The following ANK3 variants were observed in gnomAD, a reference collection of about 807,000 sequenced individuals.
ANK3 encodes the protein ankyrin-3.
Under a neutral mutation model 370.9 loss-of-function variants are expected in ANK3, and 57 were observed. The ratio of observed to expected loss-of-function variants is 0.15; its 90% CI spans 0.12 to 0.19. The LOEUF is 0.19. Among genes scored for constraint, ANK3 ranks in the 10% least tolerant of loss-of-function variants. The probability of loss-of-function intolerance (pLI) is 1.00; values close to 1 mark genes in which losing one functional copy is unlikely to be tolerated. For missense variants in ANK3, 4,439 were observed against 5,302.1 expected (o/e 0.84, Z 5.06); for synonymous variants, 1,929 against 1,946.3 (o/e 0.99, Z 0.23).
At chr10:60,270,705 G>A (rs1016413692) in intron 4 of ANK3, among the ~76,000 whole-genome samples, 1 of 152,162 alleles carries the variant, frequency 6.6e-6, no homozygotes, top group South Asian at 2.1e-4. Context: ...GTTTTGACTA[G>A]TTCAGGGAGG....
intron 9 of ANK3, among the ~76,000 whole-genome samples, chr10:60,208,911 G>A (rs1022260468): frequency 2.6e-5 from 4 of 152,206 alleles, no homozygotes; most frequent in African/African-American, 2.4e-5. Context: ...CATTGACAAA[G>A]CCACTAACTA....
intron 28 of ANK3, among the ~76,000 whole-genome samples, chr10:60,095,834 T>C (rs2090003551): frequency 6.6e-6 from 1 of 152,228 alleles, no homozygotes; most frequent in East Asian, 1.9e-4. Flanking sequence ...TTAACTTTCA[T>C]AAGAATATAA....
chr10:60,639,035 A>T (rs2133348445), intron 1 of ANK3, among the ~76,000 whole-genome samples: 1 of 152,144 alleles, frequency 6.6e-6, no homozygotes, highest in East Asian at 1.9e-4. Flanking sequence ...CAAACCCCAA[A>T]TAGAATAAAA....
intron 21 of ANK3, 52 bp from the exon 22 acceptor site, chr10:60,166,948 G>T: frequency 7.0e-7 from 1 of 1,436,114 alleles, no homozygotes; most frequent in Non-Finnish European, 9.8e-7. Flanking sequence ...ACATTTTAAT[G>T]GGTCTTTTCA....
intron 2 of ANK3, among the ~76,000 whole-genome samples, chr10:60,543,161 T>TA (rs1452853506): frequency 6.6e-6 from 1 of 151,926 alleles, no homozygotes; most frequent in African/African-American, 2.4e-5. Flanking sequence ...CTGACAAATA[T>TA]ATGTGAAGGC....
At position 60,534,360 on chromosome 10, in the gene ANK3, C is replaced by T. The variant is rs190130742; in HGVS notation, c.96+80826G>A. Among the ~76,000 whole-genome samples the T allele has an allele frequency of 2.3e-3, 343 of 152,198 alleles. 12 individuals are homozygous for T. Among genetic ancestry groups the T allele is most frequent in the Admixed American group, 0.021 (316 of 15,262 alleles). On this transcript the variant is annotated intron_variant, in intron 2 of 43. Transcript: ENST00000373827. ...ACGCATTCATGTCTCAGCAGAATTG[C>T]AAATTACTCTGGATCACTTGGGAAA...
intron 1 of ANK3, among the ~76,000 whole-genome samples, chr10:60,283,516 T>C (rs1470958333): frequency 6.6e-6 from 1 of 152,124 alleles, no homozygotes; most frequent in Non-Finnish European, 1.5e-5. Flanking sequence ...TGCACAAAAA[T>C]GAATATGAAC....
At chr10:60,390,705 CAT>C (rs368089288), upstream of ANK3, among the ~76,000 whole-genome samples, 7 of 145,362 alleles carry the variant, frequency 4.8e-5, no homozygotes, top group African/African-American at 1.5e-4. Flanking sequence ...GGGCCTAAAA[CAT>C]ATGAGACCTA....
Position 60,119,738 on chromosome 10 carries a change from C to A in ANK3, c.2842-5407G>T, listed in dbSNP as rs577993092. ...AGTGAGCCGAGATCGTGCCGTTGCA[C>A]TCTATCCTGGGCGAAAGAGCAAGAC... On this transcript the variant is annotated intron_variant, in intron 25 of 43. Coordinates refer to ENST00000280772, the MANE Select transcript of ANK3 (RefSeq NM_020987.5). 7.2e-5 allele frequency among the ~76,000 whole-genome samples: 11 copies of A among 152,234 alleles called. No individual in the cohort carries two copies. The South Asian group carries it at 2.3e-3, about 32-fold the overall frequency.
chr10:60,341,828 C>T (rs929914124), intron 1 of ANK3, among the ~76,000 whole-genome samples: 1 of 151,914 alleles, frequency 6.6e-6, no homozygotes, highest in Non-Finnish European at 1.5e-5. Context: ...TTAAGTAGAC[C>T]ACGATAGGGT....
chr10:60,034,082 T>G (rs1221667977), intron 43 of ANK3, among the ~76,000 whole-genome samples: 20 of 119,378 alleles, frequency 1.7e-4, no homozygotes, highest in African/African-American at 6.7e-4. Context: ...TCTGTTTTTG[T>G]TTTTTTTTTT....
At chr10:60,664,933 G>C (rs538246650) in intron 1 of ANK3, among the ~76,000 whole-genome samples, 1 of 152,306 alleles carries the variant, frequency 6.6e-6, no homozygotes, top group South Asian at 2.1e-4. Flanking sequence ...AGTTTAAAAA[G>C]AATAAGCCTT....
rs536064794 is a variant in ANK3 at position 60,338,661 on chromosome 10, T to C, written c.114+50764A>G. Among the ~76,000 whole-genome samples the C allele has an allele frequency of 7.2e-5, 11 of 152,290 alleles. No homozygotes were observed. The South Asian group carries it at 2.3e-3, about 32-fold the overall frequency. On this transcript the variant is annotated intron_variant, in intron 1 of 43. Transcript: ENST00000280772. Reference sequence around the variant, plus strand: ...TGCCTCCCCAATTCATCATCTCCCATGGTGATTTATAAGGTAGAGGAGACT... The same window carrying C: ...TGCCTCCCCAATTCATCATCTCCCACGGTGATTTATAAGGTAGAGGAGACT...
chr10:60,471,323 G>T (rs2065213741), intron 2 of ANK3, among the ~76,000 whole-genome samples: 1 of 152,134 alleles, frequency 6.6e-6, no homozygotes, highest in Admixed American at 6.6e-5. Context: ...GTATGTGTCT[G>T]TGTGTATTAC....
chr10:60,669,280 AC>A, intron 1 of ANK3, among the ~76,000 whole-genome samples: 1 of 152,240 alleles, frequency 6.6e-6, no homozygotes, highest in East Asian at 1.9e-4. Context: ...AACTTGACAA[AC>A]TTTTCTTTTG....
At chr10:60,106,624 G>A (rs546795333) in intron 27 of ANK3, among the ~76,000 whole-genome samples, 43 of 146,406 alleles carry the variant, frequency 2.9e-4, no homozygotes, top group African/African-American at 1.1e-3. Flanking sequence ...AATGGTAGTA[G>A]GTAGCTTCCA....
chr10:60,581,596 T>C (rs573790267), intron 2 of ANK3, among the ~76,000 whole-genome samples: 2 of 149,542 alleles, frequency 1.3e-5, no homozygotes, highest in East Asian at 2.1e-4. Flanking sequence ...GGCTAATTAT[T>C]ATTTTTTTTT....
chr10:60,390,769 C>CA (rs1555365469), upstream of ANK3, among the ~76,000 whole-genome samples: 5 of 112,436 alleles, frequency 4.4e-5, no homozygotes, highest in Admixed American at 1.9e-4. Flanking sequence ...CACACACAAA[C>CA]AACAATTTCA....
chr10:60,584,942 G>A (rs993620098), intron 2 of ANK3, among the ~76,000 whole-genome samples: 4 of 152,154 alleles, frequency 2.6e-5, no homozygotes, highest in African/African-American at 9.7e-5. Context: ...AGGTCACTAT[G>A]TGGCTCTGGA....
Sources: gnomAD v4.1 joint callset for allele counts (sites outside exome capture counted in the v4.1 genomes callset) on GRCh38, gnomAD v4.1.1 for gene constraint, MANE v1.5 for transcripts, NCBI Gene and HGNC (gene_info 2026-07-23, HGNC 2026-07-21) for gene names.